NEK5: variants seen among roughly 807,000 people sequenced by gnomAD.
The protein encoded by NEK5 is serine/threonine-protein kinase Nek5.
Under a neutral mutation model 109.2 loss-of-function variants are expected in NEK5, and 88 were observed. The observed-to-expected ratio is 0.81, with a 90% CI of 0.68 to 0.96. The LOEUF (loss-of-function observed/expected upper bound fraction) is 0.96, where lower values mean the gene tolerates loss of function less well. Ranked by LOEUF, NEK5 falls within the 40% of genes least tolerant of loss-of-function variation. The pLI is 0.00. For synonymous variants in NEK5, 283 were observed against 299.9 expected, an observed-to-expected ratio of 0.94 and a Z score of 0.58; for missense variants, 834 against 920.7, an observed-to-expected ratio of 0.91 and a Z score of 1.22.
chr13:52,127,024 A>G (rs1956076308), intron 3 of NEK5, among the ~76,000 whole-genome samples: 1 of 152,062 alleles, frequency 6.6e-6, no homozygotes, highest in Admixed American at 6.5e-5. Flanking sequence ...CAGGGATGTG[A>G]TCTTATTTCT....
intron 11 of NEK5, among the ~76,000 whole-genome samples, chr13:52,101,226 G>A (rs537518310): frequency 5.9e-5 from 9 of 152,082 alleles, no homozygotes; most frequent in East Asian, 1.9e-4. Flanking sequence ...GTGAAACCTC[G>A]TCTCTACTAA....
intron 3 of NEK5, among the ~76,000 whole-genome samples, chr13:52,120,242 T>G (rs1282830296): frequency 1.3e-5 from 2 of 152,138 alleles, no homozygotes; most frequent in East Asian, 3.8e-4. Flanking sequence ...CTTAAACCCC[T>G]CTAAGCTTCA....
chr13:52,060,928 T>C (rs1165572002), intron 22 of NEK5, among the ~76,000 whole-genome samples: 1 of 152,106 alleles, frequency 6.6e-6, no homozygotes. Context: ...GCAGTGATCA[T>C]AGTTCACAGC....
At chr13:52,043,739 C>T (rs1407334087) in intron 23 of NEK5, among the ~76,000 whole-genome samples, 1 of 152,066 alleles carries the variant, frequency 6.6e-6, no homozygotes, top group Non-Finnish European at 1.5e-5. Context: ...ATTATAAAGA[C>T]ACCACTTCAC....
In NEK5 at chr13:52,075,838, CAAA is replaced by C. The variant is rs751738755; in HGVS notation, c.1654-15_1654-13del. 1.4e-3 allele frequency: 1,670 copies of C among 1,159,334 alleles called. No individual in the cohort carries two copies. The highest frequency in any genetic ancestry group is 2.5e-3 in the South Asian group (157 of 62,490). The allele number at this position is 1,159,334 out of a possible 1,614,324, so 71.8% of individuals were successfully genotyped here. ...AATTTTACCCCCTTCTAGGAGAAAG[CAAA>C]AAAAAAAAAAAAGTTTAGCAATTCA... On this transcript the variant is annotated splice_polypyrimidine_tract_variant and intron_variant, in intron 18 of 23. Transcript: ENST00000684899.
intron 23 of NEK5, among the ~76,000 whole-genome samples, chr13:52,047,325 C>T (rs1425134393): frequency 5.9e-5 from 9 of 152,016 alleles, no homozygotes; most frequent in African/African-American, 1.9e-4. Flanking sequence ...GGACAGTGCA[C>T]TATGGAACCA....
At position 52,127,674 on chromosome 13, in the gene NEK5, C is replaced by T. The variant is rs76765070; in HGVS notation, c.-90-12G>A. On this transcript the variant is annotated splice_polypyrimidine_tract_variant and intron_variant, in intron 1 of 23. Coordinates refer to ENST00000684899, the MANE Select transcript of NEK5 (RefSeq NM_001365552.1). ...GTGGCCACAGATAACTGAAATGAGA[C>T]AGAGTTTCTTGGTCAGACACGGGTC... The T allele has an allele frequency of 1.9e-3, 1,037 of 536,230 alleles. 9 individuals are homozygous for T. The highest frequency in any genetic ancestry group is 0.017 in the African/African-American group (872 of 51,958). 33.2% of individuals were successfully genotyped at this position (536,230 alleles called of 1,614,324 possible). A position where few individuals can be genotyped will look rare whatever the true frequency, so the allele number is the denominator to read the frequency against.
intron 19 of NEK5, among the ~76,000 whole-genome samples, chr13:52,074,058 AATCT>A (rs1328801757): frequency 6.6e-6 from 1 of 152,230 alleles, no homozygotes; most frequent in Non-Finnish European, 1.5e-5. Context: ...TGCCCAAAGT[AATCT>A]ATAGATTCAA....
chr13:52,057,044 C>T (rs1291818804), intron 22 of NEK5, among the ~76,000 whole-genome samples: 6 of 151,206 alleles, frequency 4.0e-5, no homozygotes, highest in Non-Finnish European at 5.9e-5. Context: ...AATTGATAAA[C>T]CGCTAGCAAG....
At chr13:52,102,749 A>G (rs1955567393) in intron 9 of NEK5, among the ~76,000 whole-genome samples, 1 of 152,232 alleles carries the variant, frequency 6.6e-6, no homozygotes, top group Non-Finnish European at 1.5e-5. Context: ...TCATCAACTA[A>G]TCTTTCATGA....
At chr13:52,052,967 G>C (rs1412445124) in intron 22 of NEK5, among the ~76,000 whole-genome samples, 1 of 152,258 alleles carries the variant, frequency 6.6e-6, no homozygotes, top group East Asian at 1.9e-4. Context: ...TAGGGCAATG[G>C]AACAGGTAAT....
intron 9 of NEK5, 151 bp downstream of exon 9, chr13:52,104,347 T>C (rs1474100737): frequency 2.9e-6 from 2 of 695,546 alleles, no homozygotes; most frequent in African/African-American, 1.8e-5. Flanking sequence ...CTTGGACAGC[T>C]TTCCATGTCA....
intron 21 of NEK5, among the ~76,000 whole-genome samples, chr13:52,064,192 C>G (rs866587874): frequency 0.081 from 11,269 of 138,506 alleles, 325 homozygotes; most frequent in Admixed American, 0.1. Context: ...GGTCAGCCCC[C>G]CGCCCGGCCA....
In NEK5 at chr13:52,067,390, C is replaced by G. The variant is rs745814733; in HGVS notation, c.1850-1781G>C. 4.6e-5 allele frequency among the ~76,000 whole-genome samples: 7 copies of G among 152,142 alleles called. No individual in the cohort carries two copies. The East Asian group carries it at 1.4e-3, about 29-fold the overall frequency. On this transcript the variant is annotated intron_variant, in intron 20 of 23. Transcript: ENST00000684899. ...ACAGTCTGAAAAATCAAGCTGCAGA[C>G]ACAGATAAGGGAACTAGCACAGGAA...
chr13:52,066,054 T>C (rs987038969), intron 20 of NEK5, among the ~76,000 whole-genome samples: 4 of 152,130 alleles, frequency 2.6e-5, no homozygotes, highest in Admixed American at 6.5e-5. Context: ...CCAGAGACTA[T>C]AATAATTTCA....
intron 21 of NEK5, among the ~76,000 whole-genome samples, chr13:52,062,528 C>A (rs1954622285): frequency 6.6e-6 from 1 of 151,842 alleles, no homozygotes; most frequent in Non-Finnish European, 1.5e-5. Flanking sequence ...TCAAGCAATT[C>A]TCCTGCCTCA....
At position 52,038,825 on chromosome 13, in the gene NEK5, G is replaced by GAAAAAAAAAAAAAAAAAAAAAAAAAAA. The variant is rs1183060212; in HGVS notation, c.2229-1608_2229-1607insTTTTTTTTTTTTTTTTTTTTTTTTTTT. On this transcript the variant is annotated intron_variant, in intron 23 of 23. Transcript: ENST00000684899. ...AGGCATCAGAGCAAGACACTCATCT[G>GAAAAAAAAAAAAAAAAAAAAAAAAAAA]AAAAAAAAAAAAAAAAAAAAGTGGT... Among the ~76,000 whole-genome samples, 2 of 94,566 alleles carry GAAAAAAAAAAAAAAAAAAAAAAAAAAA rather than the reference G, an allele frequency of 2.1e-5. 1 individual carries two copies. The highest frequency in any genetic ancestry group is 4.0e-5 in the Non-Finnish European group (2 of 49,926). The allele number at this position is 94,566 out of a possible 152,430, so 62.0% of individuals were successfully genotyped here. A position where few individuals can be genotyped will look rare whatever the true frequency, so the allele number is the denominator to read the frequency against.
rs1198937059 is a variant in NEK5 at position 52,065,499 on chromosome 13, G to A, written c.1960C>T (p.Pro654Ser). Residue 654 changes from proline (P) to serine (S), a missense_variant, in exon 21 of 24, where the codon CCC (proline) becomes TCC (serine). Physicochemically the swap from Pro to Ser is moderately conservative, Grantham distance 74 (BLOSUM62 -1). This residue lies in a region of NEK5 where 777 missense variants were observed against 824.7 expected (regional missense o/e 0.94). Transcript: ENST00000684899. ...ACAGACTCACTGTCAGGCCCCGTGG[G>A]GCAGGTGGAGGTGATGTCGGCCACT... is the stretch of plus-strand genomic sequence containing the variant. ...MAVADITSTC[P>S]TGPDNGQVIV... 23 of 1,613,886 alleles carry A rather than the reference G, an allele frequency of 1.4e-5. No individual in the cohort carries two copies. The highest frequency in any genetic ancestry group is 1.9e-5 in the Non-Finnish European group (22 of 1,179,842).
intron 12 of NEK5, among the ~76,000 whole-genome samples, chr13:52,098,146 C>T (rs879473927): frequency 3.9e-5 from 6 of 152,078 alleles, no homozygotes; most frequent in African/African-American, 1.4e-4. Context: ...TTATCAACTA[C>T]CCAGTCTCAA....
Sources: gnomAD v4.1 joint callset for allele counts (sites outside exome capture counted in the v4.1 genomes callset) on GRCh38, gnomAD v4.1.1 for gene constraint, gnomAD v4.1.1 regional missense constraint, MANE v1.5 for transcripts, NCBI Gene and HGNC (gene_info 2026-07-23, HGNC 2026-07-21) for gene names.